The following SGMS1 variants were observed in gnomAD, a reference collection of about 807,000 sequenced individuals.
The protein encoded by SGMS1 is phosphatidylcholine:ceramide cholinephosphotransferase 1.
SGMS1 carries 13 observed loss-of-function variants against 46.2 expected under a neutral mutation model. The ratio of observed to expected loss-of-function variants is 0.28; its 90% CI spans 0.18 to 0.45. SGMS1 has a LOEUF of 0.45. SGMS1 is among the 20% of genes least tolerant of loss of function. The probability of loss-of-function intolerance (pLI) is 1.00; values close to 1 mark genes in which losing one functional copy is unlikely to be tolerated. For missense variants in SGMS1, 324 were observed against 519.9 expected, an observed-to-expected ratio of 0.62 and a Z score of 3.66; for synonymous variants, 203 against 187.8, an observed-to-expected ratio of 1.08 and a Z score of -0.66.
chr10:50,370,435 A>AT (rs1233806490), intron 6 of SGMS1, among the ~76,000 whole-genome samples: 85 of 148,300 alleles, frequency 5.7e-4, no homozygotes, highest in African/African-American at 1.4e-3. Context: ...TACTTAAAAA[A>AT]TTTTTTTTTT....
chr10:50,486,978 T>C (rs758037184), intron 3 of SGMS1, among the ~76,000 whole-genome samples: 24 of 152,190 alleles, frequency 1.6e-4, no homozygotes, highest in Admixed American at 1.5e-3. Context: ...TATGCAGTCA[T>C]AGAAAGGAAT....
At chr10:50,616,595 G>C (rs537953614) in intron 1 of SGMS1, among the ~76,000 whole-genome samples, 1 of 152,288 alleles carries the variant, frequency 6.6e-6, no homozygotes, top group South Asian at 2.1e-4. Context: ...ATTCCAGTTT[G>C]AGGAAAGAGG....
intron 1 of SGMS1, among the ~76,000 whole-genome samples, chr10:50,607,033 C>T (rs1267631926): frequency 6.6e-6 from 1 of 150,572 alleles, no homozygotes; most frequent in Non-Finnish European, 1.5e-5. Context: ...GGCTGAAGTG[C>T]AGTGCCATAA....
At chr10:50,590,324 G>A (rs1368688178) in intron 1 of SGMS1, 77 bp from the exon 2 acceptor site, 1 of 152,248 alleles carries the variant, frequency 6.6e-6, no homozygotes, top group Non-Finnish European at 1.5e-5. Flanking sequence ...TTGAGAACGT[G>A]TTCTTAATAT....
chr10:50,593,175 G>A (rs1403278011), intron 1 of SGMS1, among the ~76,000 whole-genome samples: 1 of 152,232 alleles, frequency 6.6e-6, no homozygotes, highest in Non-Finnish European at 1.5e-5. Flanking sequence ...GCAAGGAACT[G>A]AGGCCTCCTG....
chr10:50,562,397 C>T (rs569757867), intron 2 of SGMS1, among the ~76,000 whole-genome samples: 8 of 151,868 alleles, frequency 5.3e-5, no homozygotes, highest in East Asian at 2.0e-4. Context: ...GGCGCGCATG[C>T]GCACTCTTAC....
At chr10:50,599,221 C>T (rs1838625419) in intron 1 of SGMS1, among the ~76,000 whole-genome samples, 1 of 148,464 alleles carries the variant, frequency 6.7e-6, no homozygotes, top group Non-Finnish European at 1.5e-5. Flanking sequence ...AAAACAGTAA[C>T]AAAAAAACAG....
chr10:50,541,930 G>A (rs10826166), intron 2 of SGMS1, among the ~76,000 whole-genome samples: 30,311 of 152,184 alleles, frequency 0.2, 3,971 homozygotes, highest in East Asian at 0.64. Flanking sequence ...GAGCATGTTT[G>A]ATTTTTTTCC....
chr10:50,494,619 C>A (rs939535382), intron 3 of SGMS1, among the ~76,000 whole-genome samples: 1 of 152,020 alleles, frequency 6.6e-6, no homozygotes, highest in African/African-American at 2.4e-5. Context: ...CACACTGGAG[C>A]CTTTCAGAGG....
At chr10:50,490,840 G>A (rs1837561146) in intron 3 of SGMS1, among the ~76,000 whole-genome samples, 1 of 152,078 alleles carries the variant, frequency 6.6e-6, no homozygotes, top group Admixed American at 6.5e-5. Context: ...ATTGATAAGT[G>A]CTCAGTGGGT....
intron 6 of SGMS1, among the ~76,000 whole-genome samples, chr10:50,428,809 A>G (rs1373572135): frequency 6.6e-6 from 1 of 152,202 alleles, no homozygotes; most frequent in Non-Finnish European, 1.5e-5. Flanking sequence ...ACTAAGTACA[A>G]TGATTAACAG....
At chr10:50,480,460 T>G (rs1415003331) in intron 3 of SGMS1, among the ~76,000 whole-genome samples, 1 of 151,976 alleles carries the variant, frequency 6.6e-6, no homozygotes, top group Non-Finnish European at 1.5e-5. Context: ...TCACTGGGAC[T>G]GACTAGGTAG....
intron 2 of SGMS1, among the ~76,000 whole-genome samples, chr10:50,546,613 A>G (rs1162816673): frequency 6.6e-6 from 1 of 152,182 alleles, no homozygotes; most frequent in Non-Finnish European, 1.5e-5. Flanking sequence ...TCAGCAAACT[A>G]TCACAAGGAC....
intron 2 of SGMS1, among the ~76,000 whole-genome samples, chr10:50,574,960 G>GATATATATATATATATATAT (rs1564435528): frequency 2.4e-5 from 1 of 42,174 alleles, no homozygotes; most frequent in Non-Finnish European, 4.5e-5. Flanking sequence ...AGGAAAATGT[G>GATATATATATATATATATAT]GTGTATATAT....
intron 6 of SGMS1, among the ~76,000 whole-genome samples, chr10:50,408,527 CA>C (rs1338144118): frequency 2.5e-4 from 37 of 148,380 alleles, no homozygotes; most frequent in Non-Finnish European, 4.5e-4. Flanking sequence ...ACTAAAAATA[CA>C]AAAAATTAGC....
At chr10:50,594,275 C>G (rs1008878197) in intron 1 of SGMS1, among the ~76,000 whole-genome samples, 1 of 152,224 alleles carries the variant, frequency 6.6e-6, no homozygotes, top group African/African-American at 2.4e-5. Flanking sequence ...CAGCCAACAC[C>G]ACACACTGCC....
chr10:50,490,410 G>C (rs1024670252), intron 3 of SGMS1, among the ~76,000 whole-genome samples: 3 of 152,080 alleles, frequency 2.0e-5, no homozygotes, highest in Non-Finnish European at 4.4e-5. Context: ...ATTTTTAGAC[G>C]GCCCAGTCAT....
At chr10:50,552,491 T>C (rs1197363710) in intron 2 of SGMS1, among the ~76,000 whole-genome samples, 1 of 152,202 alleles carries the variant, frequency 6.6e-6, no homozygotes, top group Non-Finnish European at 1.5e-5. Context: ...TCATTGTGCA[T>C]TGGGAATCTC....
chr10:50,472,502 C>T lies in SGMS1; in HGVS notation c.-497-5570G>A, dbSNP rs1025141355. ...TGCAAATGACAGAATTATCTCTATC[C>T]TGCCCCTACTTTTTAAAGGGTGAAT... On this transcript the variant is annotated intron_variant, in intron 3 of 10. Transcript: ENST00000361781. Among the ~76,000 whole-genome samples, 5 of 152,100 alleles carry T rather than the reference C, an allele frequency of 3.3e-5. No individual in the cohort carries two copies. The South Asian group carries it at 1.0e-3, about 31-fold the overall frequency.
Sources: allele counts gnomAD v4.1 joint callset (sites outside exome capture counted in the v4.1 genomes callset), GRCh38; gene constraint gnomAD v4.1.1; transcripts MANE v1.5; gene names NCBI Gene and HGNC (gene_info 2026-07-23, HGNC 2026-07-21).